TPST2: variants seen among roughly 807,000 people sequenced by gnomAD.
TPST2 encodes the protein protein-tyrosine sulfotransferase 2.
Under a neutral mutation model 27.8 loss-of-function variants are expected in TPST2, and 16 were observed. The ratio of observed to expected loss-of-function variants is 0.58; its 90% CI spans 0.39 to 0.88. The LOEUF is 0.88. TPST2 is among the 40% of genes least tolerant of loss of function. TPST2 has a pLI of 0.00. For missense variants in TPST2, 464 were observed against 543.1 expected (o/e 0.85, Z 1.45); for synonymous variants, 229 against 231.7 (o/e 0.99, Z 0.10).
At chr22:26,547,258 C>T (rs1027872956) in intron 1 of TPST2, among the ~76,000 whole-genome samples, 1 of 152,192 alleles carries the variant, frequency 6.6e-6, no homozygotes, top group African/African-American at 2.4e-5. Context: ...GCCACCATGC[C>T]TGGCTAATAT....
At chr22:26,527,842 C>T (rs886425489) in intron 6 of TPST2, among the ~76,000 whole-genome samples, 19 of 152,222 alleles carry the variant, frequency 1.2e-4, no homozygotes, top group African/African-American at 3.6e-4. Flanking sequence ...TCTGGCCCAA[C>T]GCTGATGCTG....
chr22:26,545,328 A>G (rs1026172297), intron 1 of TPST2, among the ~76,000 whole-genome samples: 9 of 152,218 alleles, frequency 5.9e-5, no homozygotes, highest in Non-Finnish European at 1.2e-4. Context: ...GGATGGAAAG[A>G]GTTTCACCAT....
At chr22:26,555,591 T>C (rs1273008169) in intron 1 of TPST2, among the ~76,000 whole-genome samples, 1 of 152,230 alleles carries the variant, frequency 6.6e-6, no homozygotes, top group African/African-American at 2.4e-5. Flanking sequence ...TACCATTATT[T>C]ATTAGGACGG....
At chr22:26,587,324 G>A in intron 1 of TPST2, among the ~76,000 whole-genome samples, 1 of 152,076 alleles carries the variant, frequency 6.6e-6, no homozygotes, top group East Asian at 1.9e-4. Flanking sequence ...AAGCCACTGG[G>A]TCCTACACTG....
chr22:26,570,045 CAGAA>C (rs374357837), intron 1 of TPST2, among the ~76,000 whole-genome samples: 27,100 of 96,436 alleles, frequency 0.28, 3,756 homozygotes, highest in African/African-American at 0.39. Flanking sequence ...GAAAGAAAGA[CAGAA>C]AGAAAGAAAG....
Position 26,541,480 on chromosome 22 carries a change from C to A in TPST2, c.151G>T (p.Glu51Ter). 6.2e-7 allele frequency: 1 copy of A among 1,611,478 alleles called. No homozygotes were observed. Among genetic ancestry groups the A allele is most frequent in the South Asian group, 1.1e-5 (1 of 90,810 alleles). Reference protein sequence around the residue: ...PRGAMRPEQEELVMVGTNHVE... With the variant: ...PRGAMRPEQE ...TGGTTGGTGCCCACCATCACCAGCT[C>A]CTCCTGCTCAGGCCGCATGGCCCCC... The change falls in exon 3 of 7, where the codon GAG becomes TAG. Residue 51 changes from glutamate (E) to a stop codon, truncating the protein, a stop_gained. Coordinates refer to ENST00000338754, the MANE Select transcript of TPST2 (RefSeq NM_003595.5). LOFTEE classifies it high-confidence loss of function. The surrounding 1 kb of genome is among the most constrained non-coding windows in gnomAD (Gnocchi z 5.9).
chr22:26,584,177 T>C (rs1275357233), intron 1 of TPST2, among the ~76,000 whole-genome samples: 1 of 152,222 alleles, frequency 6.6e-6, no homozygotes, highest in Non-Finnish European at 1.5e-5. Flanking sequence ...GTACGGAAAC[T>C]GGGGCTCAGA....
At chr22:26,551,872 C>CT (rs939725207) in intron 1 of TPST2, among the ~76,000 whole-genome samples, 1 of 120,064 alleles carries the variant, frequency 8.3e-6, no homozygotes, top group Non-Finnish European at 1.7e-5. Flanking sequence ...TTTTCCTTTT[C>CT]TTTTCTTTTT....
intron 1 of TPST2, among the ~76,000 whole-genome samples, chr22:26,557,413 T>C (rs2147213551): frequency 6.6e-6 from 1 of 152,246 alleles, no homozygotes; most frequent in South Asian, 2.1e-4. Context: ...GCTGTGAGGA[T>C]TAAGTGAGAT....
intron 4 of TPST2, among the ~76,000 whole-genome samples, chr22:26,535,036 T>A (rs1473862607): frequency 6.6e-6 from 1 of 152,170 alleles, no homozygotes; most frequent in Non-Finnish European, 1.5e-5. Context: ...AGACAAAGCT[T>A]ACACTTCAAT....
intron 5 of TPST2, among the ~76,000 whole-genome samples, chr22:26,529,418 C>A (rs1402141812): frequency 6.6e-6 from 1 of 152,184 alleles, no homozygotes; most frequent in Admixed American, 6.5e-5. Context: ...GCATGAGCCA[C>A]CACACCCAGC....
In TPST2 at chr22:26,524,692, G is replaced by A. The variant is rs576282160; in HGVS notation, c.*1583C>T. 3 of 152,296 alleles carry A rather than the reference G, an allele frequency of 2.0e-5. No homozygotes were observed. The highest frequency in any genetic ancestry group is 1.9e-4 in the East Asian group (1 of 5,176). The allele number at this position is 152,296 out of a possible 1,614,324, so 9.4% of individuals were successfully genotyped here. On this transcript the variant is annotated 3_prime_UTR_variant, in exon 7 of 7. Coordinates refer to ENST00000338754, the MANE Select transcript of TPST2 (RefSeq NM_003595.5). The stretch of plus-strand genomic sequence containing the variant: ...CATGAGATATAAGGCAAGGAGGTAT[G>A]GGTAAAACACCTTAACCCTTAAAGA...
intron 3 of TPST2, among the ~76,000 whole-genome samples, chr22:26,538,781 C>G (rs1925629017): frequency 6.6e-6 from 1 of 152,236 alleles, no homozygotes. Context: ...CGAGATCACA[C>G]CACTACACTC....
chr22:26,564,656 A>C (rs1306395708), intron 1 of TPST2, among the ~76,000 whole-genome samples: 1 of 152,098 alleles, frequency 6.6e-6, no homozygotes, highest in Non-Finnish European at 1.5e-5. Context: ...AGCAGCCACC[A>C]CCTGAAGCCT....
At chr22:26,563,399 G>A (rs1456399941) in intron 1 of TPST2, among the ~76,000 whole-genome samples, 2 of 146,702 alleles carry the variant, frequency 1.4e-5, no homozygotes, top group Non-Finnish European at 3.0e-5. Context: ...CGTGATCTCA[G>A]CTCACTGCAA....
intron 1 of TPST2, among the ~76,000 whole-genome samples, chr22:26,557,031 G>A (rs777354904): frequency 9.2e-5 from 14 of 152,232 alleles, no homozygotes; most frequent in Non-Finnish European, 1.9e-4. Context: ...CCCAGCCTGC[G>A]GCTATCAACA....
At chr22:26,588,629 A>G (rs559663384) in intron 1 of TPST2, among the ~76,000 whole-genome samples, 1 of 152,338 alleles carries the variant, frequency 6.6e-6, no homozygotes, top group Non-Finnish European at 1.5e-5. Flanking sequence ...AGTAAACAAC[A>G]GTACAATTGG....
intron 1 of TPST2, among the ~76,000 whole-genome samples, chr22:26,564,436 C>T (rs2283834): frequency 0.083 from 12,638 of 152,222 alleles, 627 homozygotes; most frequent in African/African-American, 0.13. Context: ...CTGGGGACAG[C>T]GCAAGCCTTG....
intron 1 of TPST2, among the ~76,000 whole-genome samples, chr22:26,580,196 T>C (rs1026280071): frequency 2.6e-5 from 4 of 152,074 alleles, no homozygotes; most frequent in African/African-American, 9.7e-5. Context: ...ATGCTGCCCC[T>C]GCACTCCAGC....
Sources: allele counts gnomAD v4.1 joint callset (sites outside exome capture counted in the v4.1 genomes callset), GRCh38; gene constraint gnomAD v4.1.1; non-coding constraint Gnocchi (gnomAD v3.1); transcripts MANE v1.5; gene names NCBI Gene and HGNC (gene_info 2026-07-23, HGNC 2026-07-21).